ZNF804B: variants seen among roughly 807,000 people sequenced by gnomAD.
ZNF804B encodes zinc finger 804B.
ZNF804B carries 80 observed loss-of-function variants against 101.4 expected under a neutral mutation model. The ratio of observed to expected loss-of-function variants is 0.79; its 90% CI spans 0.66 to 0.95. The LOEUF is 0.95. ZNF804B is among the 40% of genes least tolerant of loss of function. The pLI, the probability that ZNF804B is intolerant of heterozygous loss-of-function variation, is 0.00. For missense variants in ZNF804B, 1,673 were observed against 1,561.9 expected (o/e 1.07, Z -1.20); for synonymous variants, 622 against 558.8 (o/e 1.11, Z -1.59).
chr7:88,764,036 CTTCTAAG>C (rs967954890), intron 1 of ZNF804B, among the ~76,000 whole-genome samples: 13 of 152,210 alleles, frequency 8.5e-5, no homozygotes, highest in Admixed American at 5.9e-4. Flanking sequence ...TGTTCATGAA[CTTCTAAG>C]TTCTATCACC....
At chr7:88,862,001 A>G (rs963812111) in intron 1 of ZNF804B, among the ~76,000 whole-genome samples, 14 of 152,180 alleles carry the variant, frequency 9.2e-5, no homozygotes, top group Middle Eastern at 3.2e-3. Flanking sequence ...AATCACTTCA[A>G]CATCTCCCAT....
chr7:89,333,251 G>A (rs1791014159), intron 3 of ZNF804B, 112 bp from the exon 4 acceptor site: 4 of 1,046,510 alleles, frequency 3.8e-6, no homozygotes, highest in Non-Finnish European at 4.0e-6. Flanking sequence ...TTTAGAAGAT[G>A]TAGCTCATAA....
intron 3 of ZNF804B, among the ~76,000 whole-genome samples, chr7:89,331,649 A>T (rs1188735510): frequency 6.6e-6 from 1 of 151,680 alleles, no homozygotes; most frequent in Non-Finnish European, 1.5e-5. Context: ...GGTGGCTAAA[A>T]TTAGTGTTTG....
chr7:89,141,712 T>G lies in ZNF804B; in HGVS notation c.109-76443T>G, dbSNP rs889953236. On this transcript the variant is annotated intron_variant, in intron 1 of 3. Coordinates refer to ENST00000333190, the MANE Select transcript of ZNF804B (RefSeq NM_181646.5). ...CAAGAGTTCCAATTTTTCCACATCT[T>G]GCCAACACTCATCTTCTGTTTTTCT... Among the ~76,000 whole-genome samples the G allele has an allele frequency of 6.6e-5, 10 of 152,064 alleles. No homozygotes were observed. In the South Asian group the frequency reaches 1.2e-3, roughly 19 times the overall value.
At chr7:89,256,310 T>G (rs1789631460) in intron 2 of ZNF804B, among the ~76,000 whole-genome samples, 1 of 152,126 alleles carries the variant, frequency 6.6e-6, no homozygotes, top group Non-Finnish European at 1.5e-5. Flanking sequence ...TCCCAGCACT[T>G]TGGAAGGCTG....
At position 89,335,437 on chromosome 7, in the gene ZNF804B, G is replaced by C; in HGVS notation, c.2455G>C (p.Gly819Arg). ...KLGKNQQQFSGLKSTRIIYCD... is the reference protein window; with the variant it reads ...KLGKNQQQFSRLKSTRIIYCD... Reference sequence around the variant, plus strand: ...GGGCAAAAATCAACAACAATTTTCAGGGCTAAAATCTACGAGAATCATCTA... The same window carrying C: ...GGGCAAAAATCAACAACAATTTTCACGGCTAAAATCTACGAGAATCATCTA... The change falls in exon 4 of 4, where the codon GGG becomes CGG. Residue 819 changes from glycine to arginine, a missense_variant. Coordinates refer to ENST00000333190, the MANE Select transcript of ZNF804B (RefSeq NM_181646.5). The C allele has an allele frequency of 6.2e-7, 1 of 1,613,858 alleles. No homozygotes were observed. The highest frequency in any genetic ancestry group is 8.5e-7 in the Non-Finnish European group (1 of 1,179,944).
rs34619990 is a variant in ZNF804B at position 88,780,386 on chromosome 7, CTTT to C, written c.108+20320_108+20322del. ...AAATTAATGGTAAATACTTTTTTGT[CTTT>C]TTTTTTTTTTTTTTTTTGAGAGAGG... On this transcript the variant is annotated intron_variant, in intron 1 of 3. Transcript: ENST00000333190. Among the ~76,000 whole-genome samples, 657 of 111,154 alleles carry C rather than the reference CTTT, an allele frequency of 5.9e-3. 7 individuals carry two copies. Among genetic ancestry groups the C allele is most frequent in the African/African-American group, 0.022 (622 of 28,558 alleles). 72.9% of individuals were successfully genotyped at this position (111,154 alleles called of 152,430 possible). A position where few individuals can be genotyped will look rare whatever the true frequency, so the allele number is the denominator to read the frequency against.
At chr7:89,129,231 A>G (rs752506437) in intron 1 of ZNF804B, among the ~76,000 whole-genome samples, 4 of 152,046 alleles carry the variant, frequency 2.6e-5, no homozygotes, top group Non-Finnish European at 4.4e-5. Context: ...AAAGAGATCC[A>G]CCTTATATAT....
chr7:89,214,665 G>A (rs1213488105), intron 1 of ZNF804B, among the ~76,000 whole-genome samples: 1 of 152,088 alleles, frequency 6.6e-6, no homozygotes, highest in East Asian at 1.9e-4. Context: ...TTCTTAAGTA[G>A]TCTGATCTAG....
At chr7:89,042,484 A>G (rs1165949599) in intron 1 of ZNF804B, among the ~76,000 whole-genome samples, 1 of 152,196 alleles carries the variant, frequency 6.6e-6, no homozygotes, top group Middle Eastern at 3.2e-3. Flanking sequence ...AATATTTACC[A>G]AATCTGAGAT....
At chr7:89,254,909 GT>G (rs1162167558) in intron 2 of ZNF804B, among the ~76,000 whole-genome samples, 8 of 152,224 alleles carry the variant, frequency 5.3e-5, no homozygotes, top group African/African-American at 1.7e-4. Context: ...GCCTCCCAAA[GT>G]GCTGGGATTA....
chr7:88,895,369 G>C (rs1284360806), intron 1 of ZNF804B, among the ~76,000 whole-genome samples: 1 of 152,172 alleles, frequency 6.6e-6, no homozygotes, highest in African/African-American at 2.4e-5. Context: ...TGCCATACTG[G>C]ATTAGAGTTG....
At chr7:89,310,049 T>C (rs566271966) in intron 2 of ZNF804B, among the ~76,000 whole-genome samples, 2 of 151,482 alleles carry the variant, frequency 1.3e-5, no homozygotes, top group East Asian at 3.9e-4. Flanking sequence ...AGTGGAAGTC[T>C]ACTCAGGTTG....
chr7:88,922,490 A>G (rs1211510419), intron 1 of ZNF804B, among the ~76,000 whole-genome samples: 5 of 152,018 alleles, frequency 3.3e-5, no homozygotes, highest in Non-Finnish European at 7.4e-5. Context: ...AGTTGTCTCT[A>G]TAATTCATAT....
chr7:89,148,059 G>C (rs1029929770), intron 1 of ZNF804B, among the ~76,000 whole-genome samples: 2 of 152,020 alleles, frequency 1.3e-5, no homozygotes, highest in African/African-American at 4.8e-5. Flanking sequence ...GTGCCAAAAA[G>C]GTTAGGGACC....
chr7:89,211,024 G>T (rs1333877199), intron 1 of ZNF804B, among the ~76,000 whole-genome samples: 1 of 152,034 alleles, frequency 6.6e-6, no homozygotes, highest in Non-Finnish European at 1.5e-5. Flanking sequence ...GACTTTTTAA[G>T]CATCTCCATT....
At chr7:89,070,039 A>C (rs1457591188) in intron 1 of ZNF804B, among the ~76,000 whole-genome samples, 1 of 152,092 alleles carries the variant, frequency 6.6e-6, no homozygotes, top group Non-Finnish European at 1.5e-5. Context: ...GGTTTTATTT[A>C]ATGTGTTTCT....
intron 1 of ZNF804B, among the ~76,000 whole-genome samples, chr7:89,062,686 A>G (rs1217542379): frequency 3.9e-5 from 6 of 152,206 alleles, no homozygotes; most frequent in Admixed American, 6.6e-5. Context: ...ACTGCTGACG[A>G]CTAACACATC....
chr7:89,056,639 T>A (rs530358530), intron 1 of ZNF804B, among the ~76,000 whole-genome samples: 1 of 152,104 alleles, frequency 6.6e-6, no homozygotes, highest in Non-Finnish European at 1.5e-5. Context: ...AAATCTCAAA[T>A]AGTCAACATA....
Sources: allele counts gnomAD v4.1 joint callset (sites outside exome capture counted in the v4.1 genomes callset), GRCh38; gene constraint gnomAD v4.1.1; transcripts MANE v1.5; gene names NCBI Gene and HGNC (gene_info 2026-07-23, HGNC 2026-07-21).